The following PTK2 variants were observed in gnomAD, a reference collection of about 807,000 sequenced individuals.
The protein encoded by PTK2 is protein tyrosine kinase 2, also known as focal adhesion kinase 1.
A neutral mutation model predicts 150.1 loss-of-function variants in PTK2; 45 were observed. The observed-to-expected ratio is 0.30, with a 90% CI of 0.24 to 0.38. The LOEUF (loss-of-function observed/expected upper bound fraction) is 0.38. PTK2 is among the 10% of genes least tolerant of loss of function. The probability of loss-of-function intolerance (pLI) is 1.00; values close to 1 mark genes in which losing one functional copy is unlikely to be tolerated. For synonymous variants in PTK2, 432 were observed against 449.2 expected, an observed-to-expected ratio of 0.96 and a Z score of 0.48; for missense variants, 919 against 1,307.3, an observed-to-expected ratio of 0.70 and a Z score of 4.58.
chr8:140,834,972 T>G (rs2100117821), intron 7 of PTK2, among the ~76,000 whole-genome samples: 1 of 152,226 alleles, frequency 6.6e-6, no homozygotes, highest in Non-Finnish European at 1.5e-5. Flanking sequence ...GCATGATGAC[T>G]ATGCACCTCC....
At chr8:140,786,427 C>T (rs1444869797) in intron 14 of PTK2, among the ~76,000 whole-genome samples, 1 of 152,070 alleles carries the variant, frequency 6.6e-6, no homozygotes, top group African/African-American at 2.4e-5. Context: ...GTAAGATTAC[C>T]GTTTTTCTAG....
At chr8:140,973,693 C>T (rs879415048) in intron 1 of PTK2, among the ~76,000 whole-genome samples, 2 of 152,152 alleles carry the variant, frequency 1.3e-5, no homozygotes, top group Admixed American at 6.5e-5. Flanking sequence ...TTTCTCAAGG[C>T]AATTCCTTAG....
chr8:140,936,546 A>T (rs2100173697), intron 1 of PTK2, among the ~76,000 whole-genome samples: 1 of 152,084 alleles, frequency 6.6e-6, no homozygotes, highest in Admixed American at 6.6e-5. Flanking sequence ...GTTATGTTTC[A>T]GGGGCATCTT....
At chr8:140,842,328 C>T (rs1047007669) in intron 7 of PTK2, among the ~76,000 whole-genome samples, 2 of 151,710 alleles carry the variant, frequency 1.3e-5, no homozygotes, top group South Asian at 4.2e-4. Context: ...ACATTGTTTT[C>T]TATTTTTTTT....
At chr8:140,945,260 T>C (rs905415853) in intron 1 of PTK2, among the ~76,000 whole-genome samples, 2 of 152,236 alleles carry the variant, frequency 1.3e-5, no homozygotes, top group African/African-American at 4.8e-5. Flanking sequence ...GTTCCTGATA[T>C]ATCCTATGTT....
chr8:140,796,089 A>G (rs1290556474), intron 12 of PTK2, among the ~76,000 whole-genome samples: 1 of 152,172 alleles, frequency 6.6e-6, no homozygotes, highest in Non-Finnish European at 1.5e-5. Flanking sequence ...AGGCATCCCT[A>G]ATATCTAGCA....
chr8:140,871,321 AT>A, intron 4 of PTK2, among the ~76,000 whole-genome samples: 1 of 152,228 alleles, frequency 6.6e-6, no homozygotes, highest in Non-Finnish European at 1.5e-5. Flanking sequence ...GAATATGGAA[AT>A]TTATTGACCA....
At chr8:140,950,758 T>C (rs1750811307) in intron 1 of PTK2, among the ~76,000 whole-genome samples, 1 of 152,092 alleles carries the variant, frequency 6.6e-6, no homozygotes, top group African/African-American at 2.4e-5. Context: ...TACACAAATT[T>C]TCAACTGCAA....
chr8:140,716,444 C>T (rs1174811071), intron 23 of PTK2, among the ~76,000 whole-genome samples: 2 of 152,168 alleles, frequency 1.3e-5, no homozygotes, highest in Non-Finnish European at 2.9e-5. Flanking sequence ...CTCACTGCCT[C>T]GTTCAATGTA....
chr8:140,658,001 C>T lies in PTK2; in HGVS notation c.*1465G>A, dbSNP rs371765227. On this transcript the variant is annotated 3_prime_UTR_variant, in exon 32 of 32. Transcript: ENST00000522684. ...GTGCTGGAGATCTCAGTTCTATTTG[C>T]TCCCTGCTCTGTGGCTCACAGAGAT... 4.6e-5 allele frequency: 7 copies of T among 152,296 alleles called. No homozygotes were observed. The South Asian group carries it at 1.4e-3, about 32-fold the overall frequency. The allele number at this position is 152,296 out of a possible 1,614,324, so 9.4% of individuals were successfully genotyped here.
chr8:140,843,300 A>G (rs931294212), intron 7 of PTK2, among the ~76,000 whole-genome samples: 2 of 152,140 alleles, frequency 1.3e-5, no homozygotes, highest in Non-Finnish European at 2.9e-5. Flanking sequence ...AAATATGTCA[A>G]TGTATTATTC....
chr8:140,891,594 A>G (rs910177668), intron 2 of PTK2, among the ~76,000 whole-genome samples: 5 of 152,164 alleles, frequency 3.3e-5, no homozygotes, highest in African/African-American at 1.2e-4. Context: ...CAGAGCCTGA[A>G]GAGACAAGAA....
intron 5 of PTK2, among the ~76,000 whole-genome samples, chr8:140,850,742 G>GA (rs1160556748): frequency 6.0e-5 from 9 of 150,642 alleles, no homozygotes; most frequent in South Asian, 2.1e-4. Flanking sequence ...AAAAGAAAAA[G>GA]AAAAAAAAAC....
chr8:140,703,111 C>T (rs1308061300), intron 24 of PTK2, among the ~76,000 whole-genome samples: 3 of 152,002 alleles, frequency 2.0e-5, no homozygotes, highest in South Asian at 2.1e-4. Flanking sequence ...TTTGGGAGGC[C>T]GAGGCAGGCG....
chr8:140,951,078 C>T (rs13269453), intron 1 of PTK2, among the ~76,000 whole-genome samples: 63,356 of 151,782 alleles, frequency 0.42, 15,116 homozygotes, highest in Non-Finnish European at 0.55. Flanking sequence ...TTCACAAATA[C>T]GAGATTTTGC....
intron 2 of PTK2, among the ~76,000 whole-genome samples, chr8:140,925,404 T>C (rs1391005198): frequency 2.0e-5 from 3 of 152,238 alleles, no homozygotes; most frequent in African/African-American, 7.2e-5. Flanking sequence ...AGGTATCTCA[T>C]ACTGCGCTCA....
chr8:140,912,318 A>G (rs1439945115), intron 2 of PTK2, among the ~76,000 whole-genome samples: 1 of 151,910 alleles, frequency 6.6e-6, no homozygotes, highest in Non-Finnish European at 1.5e-5. Context: ...TATCTCAGCA[A>G]TGCAGGTTGT....
rs761542554 is a variant in PTK2, at chr8:140,818,263, C to T, written c.867+14G>A. 14 of 1,606,028 alleles carry T rather than the reference C, an allele frequency of 8.7e-6. No homozygotes were observed. The highest frequency in any genetic ancestry group is 1.3e-5 in the African/African-American group (1 of 74,844). ...GTGTAACGCCAAGTTCCCGAAAGGTCAGAGCAGACTTACATTGCAGCCCTT... is the reference window on the plus strand; with the variant it reads ...GTGTAACGCCAAGTTCCCGAAAGGTTAGAGCAGACTTACATTGCAGCCCTT... On this transcript the variant is annotated intron_variant, in intron 10 of 31. Coordinates refer to ENST00000522684, the Ensembl canonical transcript of PTK2.
intron 1 of PTK2, among the ~76,000 whole-genome samples, chr8:140,937,479 C>CT (rs2100174041): frequency 6.6e-6 from 1 of 151,640 alleles, no homozygotes; most frequent in Non-Finnish European, 1.5e-5. Flanking sequence ...AAAGTATACT[C>CT]TAATTGGCAC....
Sources: allele counts gnomAD v4.1 joint callset (sites outside exome capture counted in the v4.1 genomes callset), GRCh38; gene constraint gnomAD v4.1.1; transcripts MANE v1.5; gene names NCBI Gene and HGNC (gene_info 2026-07-23, HGNC 2026-07-21).